Variants in PTP4A3 observed in about 807,000 individuals in gnomAD.
PTP4A3 encodes protein tyrosine phosphatase type IVA 3.
A neutral mutation model predicts 15.2 loss-of-function variants in PTP4A3; 9 were observed. The ratio of observed to expected loss-of-function variants is 0.59; its 90% CI spans 0.36 to 1.03. The LOEUF is 1.03. PTP4A3 is among the 50% of genes least tolerant of loss of function. PTP4A3 has a pLI of 0.02. For missense variants in PTP4A3, 234 were observed against 252.1 expected (o/e 0.93, Z 0.49); for synonymous variants, 95 against 102.0 (o/e 0.93, Z 0.41).
At position 141,425,081 on chromosome 8, in the gene PTP4A3, C is replaced by G; in HGVS notation, c.139C>G (p.Arg47Gly). 1 of 1,608,520 alleles carries G rather than the reference C, an allele frequency of 6.2e-7. No homozygotes were observed. ...GAAGTACGGGGCTACCACTGTGGTGCGTGTGTGTGAAGTGACCTATGACAA... is the reference window on the plus strand; with the variant it reads ...GAAGTACGGGGCTACCACTGTGGTGGGTGTGTGTGAAGTGACCTATGACAA... ...LKKYGATTVV[R>G]VCEVTYDKTP... The change falls in exon 3 of 6, where the codon CGT becomes GGT. Residue 47 changes from arginine to glycine, a missense_variant. Physicochemically the swap from Arg to Gly is moderately radical, Grantham distance 125. Coordinates refer to ENST00000521578, the MANE Select transcript of PTP4A3 (RefSeq NM_032611.3). The surrounding 1 kb of genome is among the most constrained non-coding windows in gnomAD (Gnocchi z 4.2).
chr8:141,429,452 C>T (rs1475403392), intron 5 of PTP4A3, among the ~76,000 whole-genome samples: 2 of 152,384 alleles, frequency 1.3e-5, no homozygotes, highest in Middle Eastern at 6.8e-3. Context: ...TCTTCCTGTT[C>T]ACCCCAGCCA....
At position 141,401,047 on chromosome 8, in the gene PTP4A3, C is replaced by T. The variant is rs545059662; in HGVS notation, c.-854+8963C>T. Among the ~76,000 whole-genome samples the T allele has an allele frequency of 5.8e-3, 876 of 152,168 alleles. 8 individuals carry two copies. Among genetic ancestry groups the T allele is most frequent in the Non-Finnish European group, 9.5e-3 (644 of 67,996 alleles). Reference sequence around the variant, plus strand: ...CTCCTCCTGGGGACCCAGGACCTGACGGAACGGCATCACTCTTAATGGCAC... The same window carrying T: ...CTCCTCCTGGGGACCCAGGACCTGATGGAACGGCATCACTCTTAATGGCAC... On this transcript the variant is annotated intron_variant, in intron 1 of 5. Transcript: ENST00000521578.
intron 1 of PTP4A3, among the ~76,000 whole-genome samples, chr8:141,417,605 G>A (rs1020125929): frequency 6.6e-6 from 1 of 152,134 alleles, no homozygotes; most frequent in Non-Finnish European, 1.5e-5. Flanking sequence ...CCATGAGGGG[G>A]CCAGGGGGAG....
intron 1 of PTP4A3, among the ~76,000 whole-genome samples, chr8:141,393,070 G>A (rs979144651): frequency 1.3e-5 from 2 of 152,200 alleles, no homozygotes; most frequent in Admixed American, 1.3e-4. Context: ...GACCAGAGGA[G>A]GTCACTGAAC....
chr8:141,403,327 G>C (rs1466690888), intron 1 of PTP4A3, among the ~76,000 whole-genome samples: 5 of 152,238 alleles, frequency 3.3e-5, no homozygotes, highest in Admixed American at 3.3e-4. Context: ...TGAGATGGGA[G>C]AATGTTGTGG....
chr8:141,395,162 G>A (rs557713589), intron 1 of PTP4A3, among the ~76,000 whole-genome samples: 3 of 152,334 alleles, frequency 2.0e-5, no homozygotes, highest in East Asian at 1.9e-4. Context: ...GGTGGGGCAC[G>A]AGCTGTGGGT....
chr8:141,397,045 C>G (rs1040326574), intron 1 of PTP4A3, among the ~76,000 whole-genome samples: 5 of 152,166 alleles, frequency 3.3e-5, no homozygotes, highest in African/African-American at 1.2e-4. Flanking sequence ...GGAAGCCAGG[C>G]TGGAAGACCC....
chr8:141,392,044 G>C lies in PTP4A3; in HGVS notation c.-894G>C, dbSNP rs1832291765. On this transcript the variant is annotated 5_prime_UTR_variant, in exon 1 of 6. Coordinates refer to ENST00000521578, the MANE Select transcript of PTP4A3 (RefSeq NM_032611.3). ...CTGTGCGCGAGGGCGCGCGCGTCCC[G>C]AGCCCTCCACCCGTCGTGCCGGCGC... 1 of 146,880 alleles carries C rather than the reference G, an allele frequency of 6.8e-6. No individual in the cohort carries two copies. The highest frequency in any genetic ancestry group is 2.4e-5 in the African/African-American group (1 of 40,908). 9.1% of individuals were successfully genotyped at this position (146,880 alleles called of 1,614,324 possible).
intron 5 of PTP4A3, 36 bp downstream of exon 5, chr8:141,427,860 C>T: frequency 2.0e-6 from 3 of 1,532,888 alleles, no homozygotes; most frequent in Non-Finnish European, 1.8e-6. Flanking sequence ...GCTGTGAGCG[C>T]TGGGGGAGGG....
rs1833577348 is a variant in PTP4A3 at position 141,426,363 on chromosome 8, A to T, written c.199-576A>T. ...AAGCACAGGTCATCTTCCAAGACCA[A>T]ATTAACCCCCAGGAGCAATGGGCCG... On this transcript the variant is annotated intron_variant, in intron 3 of 5. Coordinates refer to ENST00000521578, the MANE Select transcript of PTP4A3 (RefSeq NM_032611.3). 5 of 893,946 alleles carry T rather than the reference A, an allele frequency of 5.6e-6. No individual in the cohort carries two copies. In the African/African-American group the frequency reaches 9.0e-5, roughly 16 times the overall value. 55.4% of individuals were successfully genotyped at this position (893,946 alleles called of 1,614,324 possible). A position where few individuals can be genotyped will look rare whatever the true frequency, so the allele number is the denominator to read the frequency against.
At chr8:141,420,981 C>T (rs1833301587) in intron 1 of PTP4A3, among the ~76,000 whole-genome samples, 2 of 152,300 alleles carry the variant, frequency 1.3e-5, no homozygotes, top group African/African-American at 4.8e-5. Context: ...GGTGGAGTTT[C>T]CGCAGATCAC....
chr8:141,405,632 C>T (rs556774786), intron 1 of PTP4A3, among the ~76,000 whole-genome samples: 7 of 152,332 alleles, frequency 4.6e-5, no homozygotes, highest in Middle Eastern at 6.8e-3. Context: ...CTGCTGTGTA[C>T]GGTGCCCATT....
At chr8:141,399,196 G>A (rs1055165956) in intron 1 of PTP4A3, among the ~76,000 whole-genome samples, 3 of 152,272 alleles carry the variant, frequency 2.0e-5, no homozygotes, top group East Asian at 3.9e-4. Context: ...CCCTAGAGCC[G>A]GTGCCTCTTA....
At chr8:141,408,496 G>GT (rs1402686883) in intron 1 of PTP4A3, among the ~76,000 whole-genome samples, 1 of 152,078 alleles carries the variant, frequency 6.6e-6, no homozygotes, top group East Asian at 1.9e-4. Flanking sequence ...ATGGGCGCCC[G>GT]TAATTCCAGC....
rs1406390601 is a variant in PTP4A3 at position 141,425,907 on chromosome 8, C to T, written c.198+767C>T. On this transcript the variant is annotated intron_variant, in intron 3 of 5. Coordinates refer to ENST00000521578, the MANE Select transcript of PTP4A3 (RefSeq NM_032611.3). This position sits in a 1 kb window ranked among gnomAD's most constrained non-coding sequence, Gnocchi z 4.2. ...TGCGTCCCGCCTCTGCCCTCCCCAG[C>T]CTTGCGACCCTGCAGGTCACTCCGA... Among the ~76,000 whole-genome samples the T allele has an allele frequency of 6.6e-6, 1 of 152,206 alleles. No individual in the cohort carries two copies. Among genetic ancestry groups the T allele is most frequent in the African/African-American group, 2.4e-5 (1 of 41,442 alleles).
chr8:141,403,431 C>A (rs1238792222), intron 1 of PTP4A3, among the ~76,000 whole-genome samples: 4 of 152,198 alleles, frequency 2.6e-5, no homozygotes, highest in Non-Finnish European at 5.9e-5. Flanking sequence ...AGACTTTTTT[C>A]CTGGGCATGG....
At chr8:141,411,423 A>G (rs988173017) in intron 1 of PTP4A3, among the ~76,000 whole-genome samples, 1 of 152,132 alleles carries the variant, frequency 6.6e-6, no homozygotes, top group Non-Finnish European at 1.5e-5. Flanking sequence ...CCCCTCCACC[A>G]TGTGTCCTGG....
intron 1 of PTP4A3, among the ~76,000 whole-genome samples, chr8:141,411,744 C>G (rs904304433): frequency 6.6e-6 from 1 of 152,238 alleles, no homozygotes; most frequent in Non-Finnish European, 1.5e-5. Context: ...GATCCCCCTT[C>G]CTGTCCCCGA....
At chr8:141,422,436 A>G in intron 2 of PTP4A3, 91 bp downstream of exon 2, 2 of 1,415,114 alleles carry the variant, frequency 1.4e-6, no homozygotes, top group East Asian at 4.6e-5. Flanking sequence ...AGGGGTCCCC[A>G]GCCCCGGCTG....
Sources: gnomAD v4.1 joint callset for allele counts (sites outside exome capture counted in the v4.1 genomes callset) on GRCh38, gnomAD v4.1.1 for gene constraint, Gnocchi (gnomAD v3.1) non-coding constraint, MANE v1.5 for transcripts, NCBI Gene and HGNC (gene_info 2026-07-23, HGNC 2026-07-21) for gene names.